Variants in STK38 observed in about 807,000 individuals in gnomAD.
STK38 encodes serine/threonine kinase 38.
Under a neutral mutation model 59.0 loss-of-function variants are expected in STK38, and 26 were observed. The ratio of observed to expected loss-of-function variants is 0.44; its 90% CI spans 0.32 to 0.61. The LOEUF is 0.61. STK38 is among the 20% of genes least tolerant of loss of function. The pLI, the probability that STK38 is intolerant of heterozygous loss-of-function variation, is 0.04. For missense variants in STK38, 433 were observed against 566.0 expected (o/e 0.76, Z 2.38); for synonymous variants, 175 against 176.6 (o/e 0.99, Z 0.07).
chr6:36,521,618 T>C, intron 5 of STK38, 116 bp downstream of exon 5: 1 of 649,198 alleles, frequency 1.5e-6, no homozygotes. Flanking sequence ...TATATAGTCA[T>C]ACATGACAGA....
chr6:36,545,734 A>G (rs1466279226), intron 1 of STK38, among the ~76,000 whole-genome samples: 1 of 152,196 alleles, frequency 6.6e-6, no homozygotes, highest in Non-Finnish European at 1.5e-5. Flanking sequence ...CCTAGAAGCC[A>G]TTGGAGGCCT....
intron 10 of STK38, among the ~76,000 whole-genome samples, chr6:36,499,482 G>A (rs1776787457): frequency 6.6e-6 from 1 of 152,190 alleles, no homozygotes; most frequent in Non-Finnish European, 1.5e-5. Flanking sequence ...AAGAGGGAGA[G>A]AGGCCAGAGG....
At position 36,521,590 on chromosome 6, in the gene STK38, G is replaced by A. The variant is rs1256119475; in HGVS notation, c.390+144C>T. The A allele has an allele frequency of 7.0e-5, 30 of 431,554 alleles. No homozygotes were observed. In the East Asian group the frequency reaches 1.1e-3, roughly 16 times the overall value. 26.7% of individuals were successfully genotyped at this position (431,554 alleles called of 1,614,324 possible). ...AATATGAACTGCTTCTTTGTAGGGG[G>A]AAAAAGGTAGTATTATATATATAGT... On this transcript the variant is annotated intron_variant, in intron 5 of 13. Transcript: ENST00000229812.
intron 1 of STK38, among the ~76,000 whole-genome samples, chr6:36,542,602 C>T (rs1777965204): frequency 6.6e-6 from 1 of 152,170 alleles, no homozygotes; most frequent in Non-Finnish European, 1.5e-5. Context: ...CGAGATAGCG[C>T]CACTGCACTC....
At chr6:36,546,827 G>A (rs1169269237) in intron 1 of STK38, among the ~76,000 whole-genome samples, 1 of 152,168 alleles carries the variant, frequency 6.6e-6, no homozygotes, top group Admixed American at 6.5e-5. Flanking sequence ...AGGAAAAGGA[G>A]ATAAAAACCG....
intron 2 of STK38, among the ~76,000 whole-genome samples, chr6:36,527,210 A>ATATT (rs1777543420): frequency 8.1e-6 from 1 of 123,396 alleles, no homozygotes; most frequent in Non-Finnish European, 1.8e-5. Context: ...AAAAAAAAAT[A>ATATT]TATGTATATA....
intron 2 of STK38, among the ~76,000 whole-genome samples, chr6:36,536,261 C>T (rs1183809468): frequency 6.6e-6 from 1 of 152,156 alleles, no homozygotes; most frequent in Non-Finnish European, 1.5e-5. Context: ...GAACTCCCCA[C>T]CTCATATCAT....
intron 1 of STK38, among the ~76,000 whole-genome samples, chr6:36,541,440 T>C (rs1273104042): frequency 6.6e-6 from 1 of 152,086 alleles, no homozygotes; most frequent in Non-Finnish European, 1.5e-5. Flanking sequence ...TTCTTTGCCA[T>C]CTAAAAATCT....
Position 36,507,503 on chromosome 6 carries a change from A to T in STK38, c.769T>A (p.Phe257Ile). ...TAACGTAATTGTTACCACTTACTGA[A>T]ATCACTGGGGAGGCTGTGGTTCAGA... Reference protein sequence around the residue: ...RNLNHSLPSDFTFQNMNSKRK... With the variant: ...RNLNHSLPSDITFQNMNSKRK... The change falls in exon 8 of 14, where the codon TTC becomes ATC. Residue 257 changes from phenylalanine to isoleucine, a missense_variant. Coordinates refer to ENST00000229812, the MANE Select transcript of STK38 (RefSeq NM_007271.4). The T allele has an allele frequency of 6.2e-7, 1 of 1,613,864 alleles. No individual in the cohort carries two copies. The highest frequency in any genetic ancestry group is 8.5e-7 in the Non-Finnish European group (1 of 1,179,814).
intron 9 of STK38, among the ~76,000 whole-genome samples, chr6:36,504,898 CAA>C (rs562032331): frequency 0.24 from 15,064 of 62,958 alleles, 685 homozygotes; most frequent in East Asian, 0.44. Context: ...TCCTGGCCTC[CAA>C]AAAAAAAAAA....
chr6:36,516,989 GTTTA>G (rs10566463), intron 6 of STK38, among the ~76,000 whole-genome samples: 3,140 of 152,192 alleles, frequency 0.021, 91 homozygotes, highest in African/African-American at 0.065. Context: ...TTAATCAACT[GTTTA>G]TTTTTTATTA....
chr6:36,523,701 T>C (rs1367775958), intron 4 of STK38, among the ~76,000 whole-genome samples: 2 of 152,244 alleles, frequency 1.3e-5, no homozygotes, highest in Non-Finnish European at 2.9e-5. Flanking sequence ...AGATTGCTCT[T>C]GTGCCCAAGC....
chr6:36,530,593 G>C (rs1230125010), intron 2 of STK38, among the ~76,000 whole-genome samples: 1 of 151,914 alleles, frequency 6.6e-6, no homozygotes, highest in African/African-American at 2.4e-5. Flanking sequence ...TCGAACTCCT[G>C]ACCTCAAGTG....
chr6:36,528,954 C>G (rs913003186), intron 2 of STK38, among the ~76,000 whole-genome samples: 10 of 152,056 alleles, frequency 6.6e-5, no homozygotes, highest in Non-Finnish European at 8.8e-5. Flanking sequence ...GAATACCTGC[C>G]TGAGAGTGAA....
intron 2 of STK38, among the ~76,000 whole-genome samples, chr6:36,537,598 G>A (rs1475340561): frequency 6.6e-6 from 1 of 152,088 alleles, no homozygotes; most frequent in East Asian, 1.9e-4. Context: ...CAACACAGAG[G>A]AACCTCAAAA....
At chr6:36,495,961 A>G (rs570326049) in intron 13 of STK38, 47 bp from the exon 14 acceptor site, 2 of 1,609,178 alleles carry the variant, frequency 1.2e-6, no homozygotes, top group African/African-American at 2.7e-5. Flanking sequence ...CTTGCCTCCA[A>G]TGGACTGCTC....
intron 1 of STK38, among the ~76,000 whole-genome samples, chr6:36,541,830 T>C (rs1041478166): frequency 7.5e-6 from 1 of 132,882 alleles, no homozygotes; most frequent in Non-Finnish European, 1.5e-5. Context: ...TTTTTCTTTT[T>C]CTTTTTTTTT....
chr6:36,543,344 C>T (rs935510659), intron 1 of STK38, among the ~76,000 whole-genome samples: 3 of 152,058 alleles, frequency 2.0e-5, no homozygotes, highest in African/African-American at 4.8e-5. Flanking sequence ...GGATTACAGG[C>T]GTGAGCCACC....
intron 4 of STK38, among the ~76,000 whole-genome samples, chr6:36,522,855 C>CAAAAAA (rs1200049731): frequency 6.0e-5 from 4 of 66,512 alleles, no homozygotes; most frequent in South Asian, 6.5e-4. Flanking sequence ...GACTCTGTCT[C>CAAAAAA]AAAAAAAAAA....
Sources: gnomAD v4.1 joint callset for allele counts (sites outside exome capture counted in the v4.1 genomes callset) on GRCh38, gnomAD v4.1.1 for gene constraint, MANE v1.5 for transcripts, NCBI Gene and HGNC (gene_info 2026-07-23, HGNC 2026-07-21) for gene names.